The following RTF1 variants were observed in gnomAD, a reference collection of about 807,000 sequenced individuals.
The protein encoded by RTF1 is RTF1 homolog, Paf1/RNA polymerase II complex component, also known as RNA polymerase-associated protein RTF1 homolog.
In RTF1, 10 loss-of-function variants were observed where a neutral mutation model predicts 95.7. The ratio of observed to expected loss-of-function variants is 0.10; its 90% CI spans 0.06 to 0.18. RTF1 has a LOEUF of 0.18. RTF1 is among the 10% of genes least tolerant of loss of function. RTF1 has a pLI of 1.00. For synonymous variants in RTF1, 305 were observed against 311.8 expected (o/e 0.98, Z 0.23); for missense variants, 458 against 875.6 (o/e 0.52, Z 6.02).
At chr15:41,475,414 A>T in intron 9 of RTF1, 111 bp from the exon 10 acceptor site, 1 of 787,820 alleles carries the variant, frequency 1.3e-6, no homozygotes. Flanking sequence ...GCTAGGATTG[A>T]GAACCACTGC....
intron 1 of RTF1, 52 bp from the exon 2 acceptor site, chr15:41,438,269 G>A: frequency 1.6e-6 from 2 of 1,236,298 alleles, no homozygotes; most frequent in South Asian, 1.4e-5. Flanking sequence ...ATTATTCTTG[G>A]ATATTCTTTC....
intron 1 of RTF1, among the ~76,000 whole-genome samples, chr15:41,435,960 G>A (rs1204799388): frequency 4.6e-5 from 7 of 152,080 alleles, no homozygotes; most frequent in African/African-American, 1.7e-4. Context: ...GCTCTATCAT[G>A]TACCAGCTGT....
chr15:41,426,344 C>T (rs538785229), intron 1 of RTF1, among the ~76,000 whole-genome samples: 15 of 150,698 alleles, frequency 1.0e-4, no homozygotes, highest in East Asian at 2.0e-4. Flanking sequence ...CTCGCTCTGT[C>T]GCCCAGGGTG....
In RTF1 at chr15:41,477,260, G is replaced by A. The variant is rs2050946472; in HGVS notation, c.1656G>A (p.Gln552=). The change falls in exon 13 of 18, where the codon CAG becomes CAA. Residue 552 remains glutamine (Q), a synonymous_variant. Transcript: ENST00000389629. ...LEERAEALDR[Q]RTKNISAISY... ...AACGGGCAGAGGCCCTGGACCGCCA[G>A]CGGACCAAGAACATATCCGCTATCA... is the stretch of plus-strand genomic sequence containing the variant. 1 of 1,614,276 alleles carries A rather than the reference G, an allele frequency of 6.2e-7. No individual in the cohort carries two copies. Among genetic ancestry groups the A allele is most frequent in the African/African-American group, 1.3e-5 (1 of 75,064 alleles).
At chr15:41,461,111 C>T (rs1235343129) in intron 4 of RTF1, among the ~76,000 whole-genome samples, 1 of 150,132 alleles carries the variant, frequency 6.7e-6, no homozygotes, top group African/African-American at 2.5e-5. Context: ...GGCACAATCT[C>T]GGCTCACTGC....
intron 7 of RTF1, among the ~76,000 whole-genome samples, chr15:41,470,893 C>T (rs914176368): frequency 6.6e-6 from 1 of 151,934 alleles, no homozygotes; most frequent in African/African-American, 2.4e-5. Context: ...CTCCTGACCT[C>T]GTGATCCGCC....
chr15:41,471,126 G>A (rs1343124857), intron 7 of RTF1, 46 bp from the exon 8 acceptor site: 1 of 1,536,802 alleles, frequency 6.5e-7, no homozygotes, highest in East Asian at 2.3e-5. Flanking sequence ...GTCTTGTTCT[G>A]TTTTTATGAT....
chr15:41,437,320 C>A (rs1318477078), intron 1 of RTF1, among the ~76,000 whole-genome samples: 4 of 151,140 alleles, frequency 2.6e-5, no homozygotes, highest in Non-Finnish European at 5.9e-5. Context: ...GTGGTCAAAC[C>A]CCCTCTCTAC....
chr15:41,463,653 T>A (rs28826717), intron 4 of RTF1, among the ~76,000 whole-genome samples: 6 of 152,118 alleles, frequency 3.9e-5, no homozygotes, highest in Admixed American at 3.9e-4. Flanking sequence ...AGCCAATTTT[T>A]AAAATTTTTG....
Position 41,457,577 on chromosome 15 carries a change from A to G in RTF1, c.458-95A>G, listed in dbSNP as rs979592238. On this transcript the variant is annotated intron_variant, in intron 3 of 17. Transcript: ENST00000389629. ...AAATAACAAACTGGTTTCTTACTGT[A>G]GCTGAAAGAAGGGTGATGTTGTCAA... 2.9e-6 allele frequency: 3 copies of G among 1,033,756 alleles called. No individual in the cohort carries two copies. In the African/African-American group the frequency reaches 4.8e-5, roughly 17 times the overall value. 64.0% of individuals were successfully genotyped at this position (1,033,756 alleles called of 1,614,324 possible). A position where few individuals can be genotyped will look rare whatever the true frequency, so the allele number is the denominator to read the frequency against.
chr15:41,477,620 G>A, intron 14 of RTF1, 105 bp downstream of exon 14: 5 of 984,440 alleles, frequency 5.1e-6, no homozygotes, highest in Non-Finnish European at 7.9e-6. Context: ...AAATAACGTA[G>A]GCACTTAACG....
At chr15:41,428,369 A>G (rs1362652265) in intron 1 of RTF1, among the ~76,000 whole-genome samples, 1 of 134,924 alleles carries the variant, frequency 7.4e-6, no homozygotes. Context: ...CTGGGTTCAC[A>G]CCATTCTCCC....
At chr15:41,470,187 G>A (rs2140650797) in intron 6 of RTF1, 70 bp from the exon 7 acceptor site, 1 of 1,540,172 alleles carries the variant, frequency 6.5e-7, no homozygotes, top group African/African-American at 1.4e-5. Context: ...TCCATTTCCA[G>A]TTCTTTTTCA....
At chr15:41,429,089 C>T (rs1482626875) in intron 1 of RTF1, among the ~76,000 whole-genome samples, 1 of 152,040 alleles carries the variant, frequency 6.6e-6, no homozygotes, top group African/African-American at 2.4e-5. Flanking sequence ...CTGTGTTGCC[C>T]ATGCTGGTCT....
chr15:41,432,104 A>G (rs1177945317), intron 1 of RTF1, among the ~76,000 whole-genome samples: 1 of 148,666 alleles, frequency 6.7e-6, no homozygotes, highest in Non-Finnish European at 1.5e-5. Flanking sequence ...TGGCCATACT[A>G]TTGTTAATAT....
intron 1 of RTF1, among the ~76,000 whole-genome samples, chr15:41,433,971 G>T (rs565582896): frequency 1.1e-3 from 167 of 150,736 alleles, no homozygotes; most frequent in Non-Finnish European, 1.9e-3. Context: ...TCAGCCTCCC[G>T]AGTAGCTAGG....
At chr15:41,439,309 C>T (rs571568624) in intron 2 of RTF1, among the ~76,000 whole-genome samples, 116 of 152,238 alleles carry the variant, frequency 7.6e-4, no homozygotes, top group African/African-American at 2.7e-3. Flanking sequence ...GCTGGGATTA[C>T]AGGTGTGAGC....
At chr15:41,468,366 G>A (rs2050891107) in intron 6 of RTF1, among the ~76,000 whole-genome samples, 1 of 151,762 alleles carries the variant, frequency 6.6e-6, no homozygotes, top group African/African-American at 2.4e-5. Flanking sequence ...CGCCCAGGTT[G>A]GAGTGCAGTG....
At chr15:41,459,372 T>C (rs1271839773) in intron 4 of RTF1, among the ~76,000 whole-genome samples, 4 of 151,896 alleles carry the variant, frequency 2.6e-5, no homozygotes, top group Non-Finnish European at 5.9e-5. Flanking sequence ...TGAGACCCTG[T>C]GTCAAAAAAA....
Sources: allele counts gnomAD v4.1 joint callset (sites outside exome capture counted in the v4.1 genomes callset), GRCh38; gene constraint gnomAD v4.1.1; transcripts MANE v1.5; gene names NCBI Gene and HGNC (gene_info 2026-07-23, HGNC 2026-07-21).